Variants in STIL observed in about 807,000 individuals in gnomAD.
The protein encoded by STIL is SCL-interrupting locus protein.
In STIL, 55 loss-of-function variants were observed where a neutral mutation model predicts 110.1. That is an observed-to-expected ratio of 0.50 (90% CI 0.40 to 0.63). The LOEUF (loss-of-function observed/expected upper bound fraction) is 0.63. STIL is among the 20% of genes least tolerant of loss of function. STIL has a pLI of 0.00. For missense variants in STIL, 1,358 were observed against 1,530.0 expected (o/e 0.89, Z 1.87); for synonymous variants, 481 against 530.0 (o/e 0.91, Z 1.27).
intron 2 of STIL, among the ~76,000 whole-genome samples, chr1:47,305,514 C>T (rs1645931824): frequency 2.6e-5 from 4 of 152,100 alleles, no homozygotes; most frequent in South Asian, 2.1e-4. Context: ...CTGCAACCTC[C>T]GCCTTCCAGG....
At chr1:47,255,747 C>T (rs1450980484) in intron 16 of STIL, among the ~76,000 whole-genome samples, 1 of 152,158 alleles carries the variant, frequency 6.6e-6, no homozygotes, top group Non-Finnish European at 1.5e-5. Flanking sequence ...GTAGAGGTTG[C>T]TTCCAGACCT....
intron 16 of STIL, among the ~76,000 whole-genome samples, chr1:47,255,550 C>A (rs1246709684): frequency 6.8e-3 from 836 of 123,230 alleles, no homozygotes; most frequent in African/African-American, 7.1e-3. Flanking sequence ...CCCTGTCTCT[C>A]AAAAAAAAAA....
intron 14 of STIL, among the ~76,000 whole-genome samples, chr1:47,266,844 A>G (rs1236728297): frequency 4.6e-5 from 7 of 152,194 alleles, no homozygotes; most frequent in Non-Finnish European, 1.0e-4. Context: ...ATAACACTCC[A>G]TTATCTAAAA....
chr1:47,283,071 A>ATTT (rs1645195467), intron 10 of STIL: 1 of 152,684 alleles, frequency 6.5e-6, no homozygotes, highest in African/African-American at 2.4e-5. Flanking sequence ...TATATGCATC[A>ATTT]GGCTTTTTTA....
intron 14 of STIL, among the ~76,000 whole-genome samples, chr1:47,268,175 A>C (rs1023560934): frequency 6.6e-6 from 1 of 152,204 alleles, no homozygotes; most frequent in East Asian, 1.9e-4. Flanking sequence ...GCCATCTCAC[A>C]GTGGCTCATG....
chr1:47,292,285 A>T (rs1462454210), intron 8 of STIL, among the ~76,000 whole-genome samples: 7 of 152,286 alleles, frequency 4.6e-5, no homozygotes, highest in African/African-American at 1.7e-4. Context: ...GCAGGTAGAG[A>T]AAAAGGCACT....
In STIL at chr1:47,263,014, T is replaced by G. The variant is rs1192015957; in HGVS notation, c.2718A>C (p.Thr906=). Residue 906 remains threonine, a synonymous_variant, in exon 15 of 17, where the codon ACA becomes ACC. Coordinates refer to ENST00000371877, the MANE Select transcript of STIL (RefSeq NM_001048166.1). ...TTTCAGAATTGTTACTGGCACCCCC[T>G]GTTGGTCCAGTCTGTAAACACATGC... is the stretch of plus-strand genomic sequence containing the variant. ...SVSMCLQTGP[T]GGASNNSETS... is the part of the protein sequence containing the mutation. The G allele has an allele frequency of 6.8e-6, 11 of 1,614,168 alleles. No individual in the cohort carries two copies. Among genetic ancestry groups the G allele is most frequent in the South Asian group, 1.1e-5 (1 of 91,080 alleles).
In STIL at chr1:47,302,325, A is replaced by C; in HGVS notation, c.174T>G (p.Thr58=). The C allele has an allele frequency of 6.2e-7, 1 of 1,614,126 alleles. No individual in the cohort carries two copies. The highest frequency in any genetic ancestry group is 8.5e-7 in the Non-Finnish European group (1 of 1,179,972). ...GATAAGCAAGTCGGATGGTCTTCTC[A>C]GTCACCACAAGCTTTGGATTTCTGA... is the stretch of plus-strand genomic sequence containing the variant. ...SYYRNPKLVV[T]EKTIRLAYRH... The change falls in exon 4 of 17, where the codon ACT becomes ACG. Residue 58 remains threonine (T), a synonymous_variant. Coordinates refer to ENST00000371877, the MANE Select transcript of STIL (RefSeq NM_001048166.1).
At chr1:47,295,522 G>A (rs1645617367) in intron 7 of STIL, among the ~76,000 whole-genome samples, 1 of 152,100 alleles carries the variant, frequency 6.6e-6, no homozygotes, top group Non-Finnish European at 1.5e-5. Context: ...GGAGATTGCA[G>A]TGAGCCGAGA....
intron 11 of STIL, 52 bp downstream of exon 11, chr1:47,282,291 AAG>A (rs1408835393): frequency 5.5e-6 from 6 of 1,097,600 alleles, no homozygotes; most frequent in African/African-American, 3.1e-5. Flanking sequence ...TTTAACCATG[AAG>A]AGACTTAGGT....
intron 1 of STIL, 114 bp from the exon 2 acceptor site, chr1:47,310,476 T>C (rs1646091433): frequency 3.2e-6 from 2 of 619,040 alleles, no homozygotes; most frequent in Non-Finnish European, 5.6e-6. Flanking sequence ...GAAGTGTGAC[T>C]ATAGATTAAT....
intron 10 of STIL, chr1:47,282,780 T>C: frequency 3.6e-6 from 1 of 275,030 alleles, no homozygotes; most frequent in Non-Finnish European, 7.1e-6. Context: ...ACTTAGTACT[T>C]GCTGTCAAAA....
chr1:47,297,073 G>A (rs1184483008), intron 6 of STIL, among the ~76,000 whole-genome samples: 2 of 152,198 alleles, frequency 1.3e-5, no homozygotes, highest in Admixed American at 1.3e-4. Context: ...GCTGGGCCCA[G>A]TGGCTCATGC....
intron 5 of STIL, among the ~76,000 whole-genome samples, chr1:47,300,840 T>G (rs963494876): frequency 1.3e-5 from 2 of 152,204 alleles, no homozygotes; most frequent in African/African-American, 4.8e-5. Flanking sequence ...CCACAAATTG[T>G]CAAGTTAGTT....
intron 16 of STIL, among the ~76,000 whole-genome samples, chr1:47,252,867 T>C (rs928803591): frequency 7.9e-5 from 12 of 151,900 alleles, no homozygotes; most frequent in Non-Finnish European, 1.8e-4. Flanking sequence ...TTACTTTGAT[T>C]AGTGTTAAGT....
In STIL at chr1:47,258,992, CTT is replaced by C. The variant is rs549227243; in HGVS notation, c.3080+1295_3080+1296del. ...GAAATGGTTAAGAGAAGTAACTTTG[CTT>C]TTTTTTTTTTTTGAGACAGTCTTGC... On this transcript the variant is annotated intron_variant, in intron 16 of 16. Coordinates refer to ENST00000371877, the MANE Select transcript of STIL (RefSeq NM_001048166.1). Among the ~76,000 whole-genome samples, 15 of 94,384 alleles carry C rather than the reference CTT, an allele frequency of 1.6e-4. 3 individuals are homozygous for C. The highest frequency in any genetic ancestry group is 6.0e-4 in the African/African-American group (13 of 21,754). 61.9% of individuals were successfully genotyped at this position (94,384 alleles called of 152,430 possible). A position where few individuals can be genotyped will look rare whatever the true frequency, so the allele number is the denominator to read the frequency against.
intron 15 of STIL, among the ~76,000 whole-genome samples, chr1:47,261,440 G>A (rs1237896010): frequency 2.0e-5 from 3 of 148,966 alleles, no homozygotes; most frequent in Non-Finnish European, 4.5e-5. Context: ...AAAAACCAAC[G>A]TATTTAAAAA....
intron 12 of STIL, among the ~76,000 whole-genome samples, chr1:47,276,908 T>G (rs909115036): frequency 6.6e-6 from 1 of 150,896 alleles, no homozygotes; most frequent in Non-Finnish European, 1.5e-5. Flanking sequence ...AAAAATGGTT[T>G]GGGGATACTA....
intron 16 of STIL, among the ~76,000 whole-genome samples, chr1:47,254,729 C>T (rs777409692): frequency 1.5e-4 from 23 of 152,122 alleles, no homozygotes; most frequent in Non-Finnish European, 2.8e-4. Flanking sequence ...AAGATGGGGT[C>T]TCACTATGTT....
Sources: allele counts gnomAD v4.1 joint callset (sites outside exome capture counted in the v4.1 genomes callset), GRCh38; gene constraint gnomAD v4.1.1; transcripts MANE v1.5; gene names NCBI Gene and HGNC (gene_info 2026-07-23, HGNC 2026-07-21).